The following PNPT1 variants were observed in gnomAD, a reference collection of about 807,000 sequenced individuals.
PNPT1 encodes polyribonucleotide nucleotidyltransferase 1, also known as polyribonucleotide nucleotidyltransferase 1, mitochondrial.
In PNPT1, 53 loss-of-function variants were observed where a neutral mutation model predicts 119.5. The ratio of observed to expected loss-of-function variants is 0.44; its 90% CI spans 0.36 to 0.56. PNPT1 has a LOEUF of 0.56. PNPT1 is among the 20% of genes least tolerant of loss of function. The pLI is 0.00. For missense variants in PNPT1, 948 were observed against 938.5 expected (o/e 1.01, Z -0.13); for synonymous variants, 357 against 322.1 (o/e 1.11, Z -1.16).
Position 55,640,709 on chromosome 2 carries a change from C to T in PNPT1, c.2070-4G>A, listed in dbSNP as rs1397987221. 2.0e-6 allele frequency: 3 copies of T among 1,532,820 alleles called. No homozygotes were observed. In the South Asian group the frequency reaches 3.4e-5, roughly 17 times the overall value. 95.0% of individuals were successfully genotyped at this position (1,532,820 alleles called of 1,614,324 possible). The stretch of plus-strand genomic sequence containing the variant: ...TTTTACCATTACACCAGTATCTCTA[C>T]AAAAAAATAAATAGTAAGCCTGGTT... On this transcript the variant is annotated splice_polypyrimidine_tract_variant and splice_region_variant and intron_variant, in intron 25 of 27. Transcript: ENST00000447944.
chr2:55,650,721 G>A (rs369534042), intron 18 of PNPT1, among the ~76,000 whole-genome samples: 4,456 of 144,078 alleles, frequency 0.031, 96 homozygotes, highest in South Asian at 0.092. Context: ...CGGCCGCCCC[G>A]TCTGAGAAGT....
intron 22 of PNPT1, chr2:55,644,952 T>G: frequency 1.1e-5 from 4 of 375,194 alleles, no homozygotes; most frequent in Non-Finnish European, 9.4e-6. Flanking sequence ...TTTTGTGCAC[T>G]GGGTAAAAAC....
In PNPT1 at chr2:55,684,926, C is replaced by G; in HGVS notation, c.403+17G>C. The G allele has an allele frequency of 6.5e-7, 1 of 1,533,012 alleles. No homozygotes were observed. Among genetic ancestry groups the G allele is most frequent in the Admixed American group, 1.9e-5 (1 of 53,486 alleles). The allele number at this position is 1,533,012 out of a possible 1,614,324, so 95.0% of individuals were successfully genotyped here. On this transcript the variant is annotated intron_variant, in intron 4 of 27. Transcript: ENST00000447944. Reference sequence around the variant, plus strand: ...GGCATACCAGAGAAGATGAACGCCTCTATGTTAATATCTTACCTATTATTC... The same window carrying G: ...GGCATACCAGAGAAGATGAACGCCTGTATGTTAATATCTTACCTATTATTC...
At chr2:55,691,521 A>T (rs887260086) in intron 1 of PNPT1, among the ~76,000 whole-genome samples, 6 of 152,336 alleles carry the variant, frequency 3.9e-5, no homozygotes, top group South Asian at 4.1e-4. Flanking sequence ...CACGAGTTTA[A>T]AAAGAACTAC....
At chr2:55,667,219 A>T (rs867931515) in intron 12 of PNPT1, 126 bp from the exon 13 acceptor site, 5 of 659,434 alleles carry the variant, frequency 7.6e-6, no homozygotes, top group Admixed American at 5.8e-5. Context: ...ACTTTAAAAA[A>T]TAATAGATAC....
At chr2:55,650,327 T>G (rs1696135034) in intron 18 of PNPT1, among the ~76,000 whole-genome samples, 1 of 152,182 alleles carries the variant, frequency 6.6e-6, no homozygotes, top group African/African-American at 2.4e-5. Context: ...ATTTTTTTGG[T>G]GGAGACGGGG....
intron 7 of PNPT1, 29 bp downstream of exon 7, chr2:55,680,683 T>G (rs1403530308): frequency 6.3e-7 from 1 of 1,595,174 alleles, no homozygotes; most frequent in South Asian, 1.1e-5. Flanking sequence ...AATACACATA[T>G]GATTTCTTAC....
At chr2:55,643,853 C>T (rs770744069) in intron 23 of PNPT1, among the ~76,000 whole-genome samples, 1 of 152,096 alleles carries the variant, frequency 6.6e-6, no homozygotes, top group Non-Finnish European at 1.5e-5. Flanking sequence ...TTAATCATTA[C>T]TTTAGGAATG....
chr2:55,645,780 C>G (rs1695978148), intron 21 of PNPT1, among the ~76,000 whole-genome samples: 1 of 151,902 alleles, frequency 6.6e-6, no homozygotes, highest in South Asian at 2.1e-4. Context: ...ATCTTCCTGC[C>G]TTGGCCTCCC....
chr2:55,684,871 C>T (rs1218390008), intron 4 of PNPT1, 72 bp downstream of exon 4: 7 of 1,377,814 alleles, frequency 5.1e-6, no homozygotes, highest in Non-Finnish European at 6.7e-6. Context: ...TATTGTAGAA[C>T]ACAGATGCAA....
intron 11 of PNPT1, 38 bp downstream of exon 11, chr2:55,671,281 C>T: frequency 3.2e-6 from 4 of 1,266,022 alleles, no homozygotes; most frequent in Non-Finnish European, 3.2e-6. Flanking sequence ...TAAAGCTGCC[C>T]TCAGCAAAAA....
At chr2:55,685,091 G>A in intron 3 of PNPT1, 43 bp from the exon 4 acceptor site, 1 of 1,455,156 alleles carries the variant, frequency 6.9e-7, no homozygotes. Context: ...TCTTTTTGCA[G>A]AAACAAACTA....
intron 8 of PNPT1, among the ~76,000 whole-genome samples, chr2:55,675,747 C>G (rs1697047763): frequency 6.6e-6 from 1 of 152,140 alleles, no homozygotes. Flanking sequence ...GTCTACAGAG[C>G]TGTGCTGTCC....
chr2:55,674,736 A>G (rs1415062554), intron 8 of PNPT1, among the ~76,000 whole-genome samples: 1 of 152,240 alleles, frequency 6.6e-6, no homozygotes, highest in Non-Finnish European at 1.5e-5. Flanking sequence ...TAACTGTAGA[A>G]GAAAATGATA....
At chr2:55,663,263 T>A (rs973494997) in intron 13 of PNPT1, among the ~76,000 whole-genome samples, 3 of 152,186 alleles carry the variant, frequency 2.0e-5, no homozygotes, top group Non-Finnish European at 4.4e-5. Flanking sequence ...AATTGAAAAC[T>A]TTAATATCTC....
At chr2:55,680,478 C>A (rs1395878288) in intron 7 of PNPT1, among the ~76,000 whole-genome samples, 6 of 145,106 alleles carry the variant, frequency 4.1e-5, no homozygotes, top group African/African-American at 1.5e-4. Flanking sequence ...ATTATGAAGT[C>A]AAAATATCTA....
rs372267925 is a variant in PNPT1 at position 55,661,200 on chromosome 2, C to T, written c.1247+756G>A. Among the ~76,000 whole-genome samples the T allele has an allele frequency of 1.1e-4, 16 of 145,626 alleles. No individual in the cohort carries two copies. The East Asian group carries it at 2.3e-3, about 21-fold the overall frequency. On this transcript the variant is annotated intron_variant, in intron 14 of 27. Coordinates refer to ENST00000447944, the MANE Select transcript of PNPT1 (RefSeq NM_033109.5). ...CTCCACCTCCTGGGTTCACGCCATT[C>T]TCCTGCCTCAGCTTCCCGAGTAGCT...
chr2:55,676,593 G>A (rs560554204), intron 8 of PNPT1, among the ~76,000 whole-genome samples: 47 of 152,294 alleles, frequency 3.1e-4, no homozygotes, highest in African/African-American at 1.1e-3. Flanking sequence ...CGGGAGTGGT[G>A]GCCCATGCCT....
intron 18 of PNPT1, among the ~76,000 whole-genome samples, chr2:55,651,504 C>T (rs1696200513): frequency 6.6e-6 from 1 of 152,140 alleles, no homozygotes; most frequent in Admixed American, 6.5e-5. Flanking sequence ...GAAACATGTG[C>T]TGTGTCCACT....
Sources: allele counts gnomAD v4.1 joint callset (sites outside exome capture counted in the v4.1 genomes callset), GRCh38; gene constraint gnomAD v4.1.1; transcripts MANE v1.5; gene names NCBI Gene and HGNC (gene_info 2026-07-23, HGNC 2026-07-21).